SCN3A: variants seen among roughly 807,000 people sequenced by gnomAD.
SCN3A encodes sodium voltage-gated channel alpha subunit 3, also known as sodium channel protein type 3 subunit alpha.
A neutral mutation model predicts 187.6 loss-of-function variants in SCN3A; 60 were observed. The ratio of observed to expected loss-of-function variants is 0.32; its 90% CI spans 0.26 to 0.40. The LOEUF is 0.40. Ranked by LOEUF, SCN3A falls within the 10% of genes least tolerant of loss-of-function variation. The pLI is 1.00. For missense variants in SCN3A, 1,601 were observed against 2,428.2 expected (o/e 0.66, Z 7.16); for synonymous variants, 788 against 829.2 (o/e 0.95, Z 0.85).
In SCN3A at chr2:165,090,234, T is replaced by A; in HGVS notation, c.5919A>T (p.Val1973=). ...STTSPPSYDS[V]TKPDKEKFEK... is the part of the protein sequence containing the mutation. ...CAAACTTTTCCTTGTCTGGTTTTGT[T>A]ACACTATCATAGGAAGGAGGAGAGG... The change falls in exon 28 of 28, where the codon GTA becomes GTT. Residue 1973 remains valine, a synonymous_variant. Transcript: ENST00000283254. This position sits in a 1 kb window ranked among gnomAD's most constrained non-coding sequence, Gnocchi z 4.0. The A allele has an allele frequency of 1.2e-6, 2 of 1,610,260 alleles. No homozygotes were observed. Among genetic ancestry groups the A allele is most frequent in the South Asian group, 1.1e-5 (1 of 90,640 alleles).
intron 22 of SCN3A, 63 bp downstream of exon 22, chr2:165,100,239 C>A: frequency 6.4e-7 from 1 of 1,556,780 alleles, no homozygotes. Flanking sequence ...GCACCCTTTT[C>A]TATCTAAATC....
intron 9 of SCN3A, among the ~76,000 whole-genome samples, chr2:165,157,668 G>A (rs538256004): frequency 5.9e-5 from 9 of 152,184 alleles, no homozygotes; most frequent in East Asian, 1.9e-4. Context: ...TAAGGAACCC[G>A]CAGTTATGAT....
intron 12 of SCN3A, among the ~76,000 whole-genome samples, chr2:165,146,378 ATATATGTGTGTGTG>A (rs137952479): frequency 0.18 from 25,190 of 137,302 alleles, 2,353 homozygotes; most frequent in East Asian, 0.26. Context: ...TTATATATAT[ATATATGTGTGTGTG>A]TGTGTGTGTG....
In SCN3A at chr2:165,100,379, G is replaced by A. The variant is rs368817351; in HGVS notation, c.3889C>T (p.Leu1297Phe). The stretch of plus-strand genomic sequence containing the variant: ...GTCCGTAATGATTTGATGGCACCGA[G>A]TTCTGAGTAGCCAAGAGCATTGGCT... The part of the protein sequence containing the change: ...LVANALGYSE[L>F]GAIKSLRTLR... Residue 1297 changes from leucine (L) to phenylalanine (F), a missense_variant, in exon 22 of 28, where the codon CTC becomes TTC. Coordinates refer to ENST00000283254, the MANE Select transcript of SCN3A (RefSeq NM_006922.4). 6 of 1,613,832 alleles carry A rather than the reference G, an allele frequency of 3.7e-6. No homozygotes were observed. The highest frequency in any genetic ancestry group is 1.7e-4 in the Middle Eastern group (1 of 6,056).
At chr2:165,146,654 T>C in intron 12 of SCN3A, 85 bp downstream of exon 12, 1 of 1,448,226 alleles carries the variant, frequency 6.9e-7, no homozygotes. Flanking sequence ...AGTCAGATAG[T>C]ACAAAAGTGT....
chr2:165,145,094 T>C (rs1247796092), intron 12 of SCN3A, among the ~76,000 whole-genome samples: 5 of 152,186 alleles, frequency 3.3e-5, no homozygotes, highest in South Asian at 4.1e-4. Context: ...TATTGCTTAG[T>C]CCCCTAAATC....
Position 165,091,357 on chromosome 2 carries a change from A to G in SCN3A, c.4808-12T>C, listed in dbSNP as rs1372564572. 8 of 1,613,702 alleles carry G rather than the reference A, an allele frequency of 5.0e-6. No individual in the cohort carries two copies. Among genetic ancestry groups the G allele is most frequent in the Admixed American group, 1.7e-5 (1 of 59,960 alleles). On this transcript the variant is annotated splice_polypyrimidine_tract_variant and intron_variant, in intron 27 of 27. Coordinates refer to ENST00000283254, the MANE Select transcript of SCN3A (RefSeq NM_006922.4). ...AGCCAGAAACATACCTATGGAAAAC[A>G]TAGAACACAGCTAAACAGATAATAT...
intron 24 of SCN3A, among the ~76,000 whole-genome samples, chr2:165,095,869 A>G (rs1037359324): frequency 3.9e-5 from 6 of 152,182 alleles, no homozygotes; most frequent in African/African-American, 1.4e-4. Context: ...TGTGCCTTAC[A>G]TTTAACATAT....
Position 165,140,858 on chromosome 2 carries a change from G to C in SCN3A, c.1812C>G (p.Ser604Arg). 6.2e-7 allele frequency: 1 copy of C among 1,614,010 alleles called. No individual in the cohort carries two copies. The highest frequency in any genetic ancestry group is 8.5e-7 in the Non-Finnish European group (1 of 1,180,006). ...ADDEHSTFED[S>R]ESRRDSLFVP... is the part of the protein sequence containing the mutation. ...CAAACAGTGAGTCTCTCCTGCTTTC[G>C]CTGTCTTCAAATGTGCTGTGTTCAT... The change falls in exon 13 of 28, where the codon AGC becomes AGG. Residue 604 changes from serine (S) to arginine (R), a missense_variant. By Grantham distance (110) the Ser-to-Arg change is moderately radical (BLOSUM62 -1). Coordinates refer to ENST00000283254, the MANE Select transcript of SCN3A (RefSeq NM_006922.4). This position sits in a 1 kb window ranked among gnomAD's most constrained non-coding sequence, Gnocchi z 4.2.
At chr2:165,156,021 TA>T (rs1206235179) in intron 9 of SCN3A, 118 bp from the exon 10 acceptor site, 5 of 1,251,474 alleles carry the variant, frequency 4.0e-6, no homozygotes, top group Non-Finnish European at 5.8e-6. Context: ...TATCTTGCTT[TA>T]ATTTCCAGAA....
chr2:165,099,089 G>A (rs544926357), intron 22 of SCN3A, among the ~76,000 whole-genome samples: 1 of 152,226 alleles, frequency 6.6e-6, no homozygotes, highest in African/African-American at 2.4e-5. Flanking sequence ...AGTCTGGAGA[G>A]TGGCTTAATT....
chr2:165,152,561 G>A (rs551837923), intron 11 of SCN3A, among the ~76,000 whole-genome samples: 12 of 152,300 alleles, frequency 7.9e-5, no homozygotes, highest in African/African-American at 2.6e-4. Context: ...ATAGCAGCAT[G>A]ATTTATATTC....
chr2:165,157,062 C>G (rs1473343978), intron 9 of SCN3A, among the ~76,000 whole-genome samples: 1 of 152,114 alleles, frequency 6.6e-6, no homozygotes, highest in Non-Finnish European at 1.5e-5. Flanking sequence ...AGGTGCCTGC[C>G]ATCACGCCCA....
chr2:165,155,757 C>T lies in SCN3A; in HGVS notation c.1173+5G>A. 6.2e-7 allele frequency: 1 copy of T among 1,613,970 alleles called. No homozygotes were observed. Among genetic ancestry groups the T allele is most frequent in the South Asian group, 1.1e-5 (1 of 91,078 alleles). The stretch of plus-strand genomic sequence containing the variant: ...AAATGTTATGCATGCTCATTTGGAC[C>T]TTACCAACTGGTAAAGATTTTCCCA... On this transcript the variant is annotated splice_donor_5th_base_variant and intron_variant, in intron 10 of 27. Transcript: ENST00000283254.
chr2:165,167,791 C>G (rs1205213081), intron 5 of SCN3A, among the ~76,000 whole-genome samples: 1 of 151,794 alleles, frequency 6.6e-6, no homozygotes, highest in East Asian at 1.9e-4. Context: ...AATGGAAAAT[C>G]CCTTGCAATA....
At chr2:165,165,712 G>T (rs1456618155) in intron 5 of SCN3A, among the ~76,000 whole-genome samples, 4 of 152,076 alleles carry the variant, frequency 2.6e-5, no homozygotes, top group African/African-American at 9.7e-5. Flanking sequence ...AGATTTTTCA[G>T]CCTACCAGTA....
intron 17 of SCN3A, 24 bp from the exon 18 acceptor site, chr2:165,128,125 C>A: frequency 6.5e-7 from 1 of 1,541,278 alleles, no homozygotes; most frequent in Non-Finnish European, 8.8e-7. Flanking sequence ...AGAAAAATGT[C>A]TATTTTAATA....
At chr2:165,128,429 G>A (rs993157996) in intron 17 of SCN3A, among the ~76,000 whole-genome samples, 1 of 146,292 alleles carries the variant, frequency 6.8e-6, no homozygotes, top group Non-Finnish European at 1.5e-5. Flanking sequence ...CTGCCAACGA[G>A]AGAGAGAGAG....
intron 1 of SCN3A, chr2:165,195,700 T>C (rs1039982697): frequency 3.9e-5 from 6 of 152,094 alleles, no homozygotes; most frequent in African/African-American, 9.7e-5. Flanking sequence ...ACCACTATCA[T>C]AGATTTAATG....
Sources: allele counts gnomAD v4.1 joint callset (sites outside exome capture counted in the v4.1 genomes callset), GRCh38; gene constraint gnomAD v4.1.1; non-coding constraint Gnocchi (gnomAD v3.1); transcripts MANE v1.5; gene names NCBI Gene and HGNC (gene_info 2026-07-23, HGNC 2026-07-21).